USP22: variants seen among roughly 807,000 people sequenced by gnomAD.
The protein encoded by USP22 is ubiquitin specific peptidase 22, also known as ubiquitin carboxyl-terminal hydrolase 22.
A neutral mutation model predicts 68.1 loss-of-function variants in USP22; 22 were observed. The ratio of observed to expected loss-of-function variants is 0.32; its 90% CI spans 0.23 to 0.46. The LOEUF is 0.46. USP22 is among the 20% of genes least tolerant of loss of function. The pLI, the probability that USP22 is intolerant of heterozygous loss-of-function variation, is 1.00. For missense variants in USP22, 433 were observed against 695.8 expected (o/e 0.62, Z 4.25); for synonymous variants, 279 against 274.2 (o/e 1.02, Z -0.17).
At chr17:21,014,774 A>G (rs533546057) in intron 6 of USP22, among the ~76,000 whole-genome samples, 1 of 152,306 alleles carries the variant, frequency 6.6e-6, no homozygotes, top group South Asian at 2.1e-4. Context: ...AAATTAACTG[A>G]TAGGATATCG....
intron 7 of USP22, 25 bp downstream of exon 7, chr17:21,012,805 G>A: frequency 6.2e-7 from 1 of 1,604,426 alleles, no homozygotes; most frequent in Non-Finnish European, 8.5e-7. Context: ...GTTTGATATT[G>A]CCGAGCACGC....
intron 1 of USP22, among the ~76,000 whole-genome samples, chr17:21,031,908 C>T (rs1972295664): frequency 6.6e-6 from 1 of 152,226 alleles, no homozygotes; most frequent in South Asian, 2.1e-4. Flanking sequence ...TTCAAGCAGC[C>T]AACCAACAAG....
intron 1 of USP22, among the ~76,000 whole-genome samples, chr17:21,039,577 T>C (rs1029456762): frequency 2.6e-5 from 4 of 151,568 alleles, no homozygotes; most frequent in African/African-American, 9.7e-5. Context: ...AAAAACAGAG[T>C]TTTACTGCAA....
At chr17:21,008,588 G>A (rs772569839) in intron 8 of USP22, among the ~76,000 whole-genome samples, 1 of 152,210 alleles carries the variant, frequency 6.6e-6, no homozygotes, top group Admixed American at 6.5e-5. Context: ...CAGGAGTCCA[G>A]GGTGACTGCG....
chr17:21,031,386 A>G (rs1247959850), intron 1 of USP22, among the ~76,000 whole-genome samples: 4 of 152,262 alleles, frequency 2.6e-5, no homozygotes, highest in African/African-American at 9.6e-5. Flanking sequence ...GAAACCTAAC[A>G]CTGAACAAAA....
chr17:21,040,646 T>A (rs1972416069), intron 1 of USP22, among the ~76,000 whole-genome samples: 1 of 151,354 alleles, frequency 6.6e-6, no homozygotes, highest in Admixed American at 6.6e-5. Context: ...TTAGGCAAAG[T>A]TAGTTAATGA....
At chr17:21,022,901 T>C (rs1972174581) in intron 2 of USP22, among the ~76,000 whole-genome samples, 1 of 152,084 alleles carries the variant, frequency 6.6e-6, no homozygotes, top group Non-Finnish European at 1.5e-5. Context: ...GCAGCACTAT[T>C]CACAATAGCA....
intron 6 of USP22, among the ~76,000 whole-genome samples, chr17:21,014,580 TTTAGCTCAACTGTGGG>T (rs1238283257): frequency 2.0e-5 from 3 of 152,090 alleles, no homozygotes; most frequent in African/African-American, 7.2e-5. Context: ...AACCAGCCAT[TTTAGCTCAACTGTGGG>T]TTGTTTCTGG....
chr17:21,007,795 A>G, intron 9 of USP22, 75 bp downstream of exon 9: 2 of 1,574,512 alleles, frequency 1.3e-6, no homozygotes, highest in Non-Finnish European at 1.7e-6. Flanking sequence ...CTGCACAGCA[A>G]ACCAAAAGGC....
At chr17:21,030,384 G>GTATGTATGTA (rs1555530600) in intron 1 of USP22, among the ~76,000 whole-genome samples, 9 of 57,748 alleles carry the variant, frequency 1.6e-4, no homozygotes, top group African/African-American at 4.5e-4. Flanking sequence ...GTGTGTGTGT[G>GTATGTATGTA]TGTATGTATG....
At chr17:21,029,459 T>G (rs181188975) in intron 1 of USP22, among the ~76,000 whole-genome samples, 2 of 152,352 alleles carry the variant, frequency 1.3e-5, no homozygotes, top group East Asian at 1.9e-4. Flanking sequence ...ACACAAAGTC[T>G]TCTTCGCAGG....
At chr17:21,030,386 GTATGTA>G (rs906808260) in intron 1 of USP22, among the ~76,000 whole-genome samples, 16 of 148,936 alleles carry the variant, frequency 1.1e-4, no homozygotes, top group African/African-American at 3.5e-4. Flanking sequence ...GTGTGTGTGT[GTATGTA>G]TGTATGTATG....
At chr17:21,030,766 A>G (rs1348288905) in intron 1 of USP22, among the ~76,000 whole-genome samples, 3 of 152,258 alleles carry the variant, frequency 2.0e-5, no homozygotes, top group Admixed American at 2.0e-4. Context: ...CCAAATCTAA[A>G]GACACATGAA....
At chr17:21,021,754 C>G (rs1298996364) in intron 2 of USP22, among the ~76,000 whole-genome samples, 1 of 152,170 alleles carries the variant, frequency 6.6e-6, no homozygotes, top group African/African-American at 2.4e-5. Flanking sequence ...TGACCCAGAG[C>G]TGCCTGAAGG....
intron 11 of USP22, 146 bp downstream of exon 11, chr17:21,004,780 CGG>C: frequency 1.2e-5 from 1 of 85,640 alleles, no homozygotes; most frequent in South Asian, 4.9e-4. Flanking sequence ...AGTGGAGCTG[CGG>C]GCAGCCAATA....
chr17:21,036,910 T>C (rs1328628215), intron 1 of USP22, among the ~76,000 whole-genome samples: 2 of 152,134 alleles, frequency 1.3e-5, no homozygotes. Flanking sequence ...CTAATTCCAT[T>C]CTCCCAAAAA....
At position 21,004,219 on chromosome 17, in the gene USP22, G is replaced by A. The variant is rs748283211; in HGVS notation, c.1518C>T (p.Asp506=). The change falls in exon 12 of 13, where the codon GAC becomes GAT. Residue 506 remains aspartate, a synonymous_variant. Coordinates refer to ENST00000261497, the MANE Select transcript of USP22 (RefSeq NM_015276.2). ...GGACGCACCCTTCGCTGTCCAGGACGTCCTTGATGCTGGCCTTGGTGATGA... is the reference window on the plus strand; with the variant it reads ...GGACGCACCCTTCGCTGTCCAGGACATCCTTGATGCTGGCCTTGGTGATGA... ...DAIITKASIK[D]VLDSEGYLLF... 1.2e-6 allele frequency: 2 copies of A among 1,614,162 alleles called. No homozygotes were observed. The highest frequency in any genetic ancestry group is 1.7e-6 in the Non-Finnish European group (2 of 1,180,014).
intron 7 of USP22, 134 bp from the exon 8 acceptor site, chr17:21,011,443 G>T: frequency 8.4e-7 from 1 of 1,186,086 alleles, no homozygotes; most frequent in Non-Finnish European, 1.2e-6. Flanking sequence ...GTGGGATGGG[G>T]CAGGAGCAAG....
intron 1 of USP22, among the ~76,000 whole-genome samples, chr17:21,042,024 C>T (rs1366477475): frequency 1.3e-5 from 2 of 152,168 alleles, no homozygotes; most frequent in Admixed American, 6.5e-5. Context: ...CCGCGAAGCT[C>T]CGGCCCCGCG....
Sources: gnomAD v4.1 joint callset for allele counts (sites outside exome capture counted in the v4.1 genomes callset) on GRCh38, gnomAD v4.1.1 for gene constraint, MANE v1.5 for transcripts, NCBI Gene and HGNC (gene_info 2026-07-23, HGNC 2026-07-21) for gene names.